Variants in KCNK10 observed in about 807,000 individuals in gnomAD.
KCNK10 encodes the protein potassium channel subfamily K member 10.
KCNK10 carries 25 observed loss-of-function variants against 47.7 expected under a neutral mutation model. That is an observed-to-expected ratio of 0.52 (90% confidence interval 0.38 to 0.73). KCNK10 has a LOEUF of 0.73. Among genes scored for constraint, KCNK10 ranks in the 30% least tolerant of loss-of-function variants. The pLI, the probability that KCNK10 is intolerant of heterozygous loss-of-function variation, is 0.00. For synonymous variants in KCNK10, 303 were observed against 285.6 expected (o/e 1.06, Z -0.61); for missense variants, 563 against 714.5 (o/e 0.79, Z 2.42).
At chr14:88,272,909 G>A (rs966701052) in intron 1 of KCNK10, among the ~76,000 whole-genome samples, 13 of 152,276 alleles carry the variant, frequency 8.5e-5, no homozygotes, top group East Asian at 3.9e-4. Context: ...GAAAGGAGGC[G>A]TCTGGGATGA....
At chr14:88,244,397 G>A (rs539101148) in intron 2 of KCNK10, among the ~76,000 whole-genome samples, 38 of 152,262 alleles carry the variant, frequency 2.5e-4, no homozygotes, top group African/African-American at 8.9e-4. Context: ...AGCCGGGCAC[G>A]GTGGCTCATG....
intron 4 of KCNK10, among the ~76,000 whole-genome samples, chr14:88,221,484 A>T (rs531220152): frequency 6.6e-6 from 1 of 152,316 alleles, no homozygotes; most frequent in Admixed American, 6.5e-5. Context: ...CATCAGAGAA[A>T]TGCAAATTAA....
chr14:88,184,236 G>C lies in KCNK10; in HGVS notation c.*1299C>G, dbSNP rs147900877. On this transcript the variant is annotated 3_prime_UTR_variant, in exon 7 of 7. Transcript: ENST00000319231. ...CGTTTGCCTGGGAACAATCAGTCTA[G>C]GGTGTTCCAGTTTTAGTGAGTAACC... is the stretch of plus-strand genomic sequence containing the variant. The C allele has an allele frequency of 2.0e-4, 30 of 152,412 alleles. No homozygotes were observed. Among genetic ancestry groups the C allele is most frequent in the African/African-American group, 7.0e-4 (29 of 41,558 alleles). 9.4% of individuals were successfully genotyped at this position (152,412 alleles called of 1,614,324 possible). A position where few individuals can be genotyped will look rare whatever the true frequency, so the allele number is the denominator to read the frequency against.
chr14:88,276,356 G>GA (rs1887528029), intron 1 of KCNK10, among the ~76,000 whole-genome samples: 1 of 151,836 alleles, frequency 6.6e-6, no homozygotes, highest in Non-Finnish European at 1.5e-5. Context: ...GCCAGACACT[G>GA]AATCTGCCTT....
At position 88,185,733 on chromosome 14, in the gene KCNK10, G is replaced by A. The variant is rs775380568; in HGVS notation, c.1434C>T (p.Tyr478=). The change falls in exon 7 of 7, where the codon TAC becomes TAT. Residue 478 remains tyrosine, a synonymous_variant. Transcript: ENST00000319231. The surrounding 1 kb of genome is among the most constrained non-coding windows in gnomAD (Gnocchi z 4.3). ...CCAGGGAGTAATTCCGGAAGGTCTT[G>A]TAGATTTTCTGAACGTCCTCGGGCA... ...KTLPEDVQKI[Y]KTFRNYSLDE... is the part of the protein sequence containing the mutation. 2 of 1,614,142 alleles carry A rather than the reference G, an allele frequency of 1.2e-6. No individual in the cohort carries two copies. The highest frequency in any genetic ancestry group is 8.5e-7 in the Non-Finnish European group (1 of 1,180,026).
intron 2 of KCNK10, among the ~76,000 whole-genome samples, chr14:88,261,259 C>T (rs184526752): frequency 6.6e-6 from 1 of 152,304 alleles, no homozygotes; most frequent in East Asian, 1.9e-4. Flanking sequence ...GAACGCCTAT[C>T]AGGTTATTAT....
At chr14:88,311,918 C>T (rs1344726895) in intron 1 of KCNK10, among the ~76,000 whole-genome samples, 3 of 152,080 alleles carry the variant, frequency 2.0e-5, no homozygotes, top group Non-Finnish European at 2.9e-5. Context: ...GGCACAGTGG[C>T]GTCTTGGCAT....
chr14:88,199,437 G>A (rs1595076150), intron 4 of KCNK10, among the ~76,000 whole-genome samples: 1 of 152,194 alleles, frequency 6.6e-6, no homozygotes, highest in East Asian at 1.9e-4. Context: ...GCTAAAAGAA[G>A]AGTGGATTGG....
chr14:88,262,317 T>TTCC (rs1887132959), intron 2 of KCNK10, among the ~76,000 whole-genome samples: 1 of 152,182 alleles, frequency 6.6e-6, no homozygotes, highest in Non-Finnish European at 1.5e-5. Context: ...AGAGGCAGCC[T>TTCC]TCCTCCTTCA....
chr14:88,288,705 C>T (rs1186381109), intron 1 of KCNK10, among the ~76,000 whole-genome samples: 1 of 152,214 alleles, frequency 6.6e-6, no homozygotes, highest in East Asian at 1.9e-4. Context: ...TCATCTCCTA[C>T]CATCTGTCCC....
At chr14:88,281,924 A>G (rs972332806) in intron 1 of KCNK10, among the ~76,000 whole-genome samples, 19 of 151,388 alleles carry the variant, frequency 1.3e-4, no homozygotes, top group African/African-American at 4.6e-4. Context: ...ATTATTCTCT[A>G]TCACAGCAAG....
At chr14:88,223,858 A>G (rs975885267) in intron 4 of KCNK10, among the ~76,000 whole-genome samples, 1 of 151,852 alleles carries the variant, frequency 6.6e-6, no homozygotes, top group Non-Finnish European at 1.5e-5. Context: ...CTAGTTTAAT[A>G]TGTTATTTGG....
chr14:88,219,349 C>G (rs532299693), intron 4 of KCNK10, among the ~76,000 whole-genome samples: 1 of 152,176 alleles, frequency 6.6e-6, no homozygotes, highest in Middle Eastern at 3.2e-3. Context: ...GTAACTAGCT[C>G]GGGCCAATGG....
chr14:88,229,117 T>G (rs1364834126), intron 3 of KCNK10, among the ~76,000 whole-genome samples: 1 of 152,188 alleles, frequency 6.6e-6, no homozygotes, highest in Non-Finnish European at 1.5e-5. Flanking sequence ...ATAGCCTAAC[T>G]TTGGGGAATA....
At chr14:88,243,566 A>G (rs1013090433) in intron 2 of KCNK10, among the ~76,000 whole-genome samples, 2 of 152,360 alleles carry the variant, frequency 1.3e-5, no homozygotes, top group African/African-American at 2.4e-5. Context: ...ACGAGAGATC[A>G]TTTCTAATTA....
intron 3 of KCNK10, among the ~76,000 whole-genome samples, chr14:88,237,955 T>C (rs1886343123): frequency 6.6e-6 from 1 of 152,218 alleles, no homozygotes; most frequent in Non-Finnish European, 1.5e-5. Context: ...CTTCTGTAAC[T>C]ATGAAAGTCC....
intron 4 of KCNK10, among the ~76,000 whole-genome samples, chr14:88,203,608 G>A (rs1027518949): frequency 2.0e-5 from 3 of 152,194 alleles, no homozygotes; most frequent in Non-Finnish European, 4.4e-5. Context: ...ATGTACAGCT[G>A]GTGTCAGCTG....
At chr14:88,307,591 T>C (rs1227308139) in intron 1 of KCNK10, among the ~76,000 whole-genome samples, 2 of 152,218 alleles carry the variant, frequency 1.3e-5, no homozygotes, top group East Asian at 3.8e-4. Flanking sequence ...ACATTTTAAA[T>C]AGGTAATTTT....
chr14:88,321,125 C>G (rs75344480), intron 1 of KCNK10, among the ~76,000 whole-genome samples: 10,706 of 152,282 alleles, frequency 0.07, 495 homozygotes, highest in Middle Eastern at 0.1. Context: ...CCTCTTCACT[C>G]ACTCTGCCAT....
Sources: gnomAD v4.1 joint callset for allele counts (sites outside exome capture counted in the v4.1 genomes callset) on GRCh38, gnomAD v4.1.1 for gene constraint, Gnocchi (gnomAD v3.1) non-coding constraint, MANE v1.5 for transcripts, NCBI Gene and HGNC (gene_info 2026-07-23, HGNC 2026-07-21) for gene names.